HMGA2: variants seen among roughly 807,000 people sequenced by gnomAD.
HMGA2 encodes high mobility group AT-hook 2, also known as high mobility group protein HMGI-C.
HMGA2 carries 8 observed loss-of-function variants against 19.1 expected under a neutral mutation model. The ratio of observed to expected loss-of-function variants is 0.42; its 90% CI spans 0.25 to 0.76. The LOEUF is 0.76. HMGA2 is among the 30% of genes least tolerant of loss of function. The pLI is 0.28. For synonymous variants in HMGA2, 60 were observed against 48.8 expected, an observed-to-expected ratio of 1.23 and a Z score of -0.96; for missense variants, 109 against 136.3, an observed-to-expected ratio of 0.80 and a Z score of 1.00.
intron 3 of HMGA2, chr12:65,843,665 TACACAC>T (rs35271921): frequency 0.051 from 7,506 of 146,626 alleles, 393 homozygotes; most frequent in South Asian, 0.21. Flanking sequence ...GTTTGCTACT[TACACAC>T]ACACACACAC....
intron 3 of HMGA2, among the ~76,000 whole-genome samples, chr12:65,913,534 A>G (rs544374041): frequency 6.6e-6 from 1 of 152,288 alleles, no homozygotes; most frequent in South Asian, 2.1e-4. Flanking sequence ...CAAAAACATT[A>G]TATCACTTTT....
At chr12:65,914,402 C>G (rs1487121460) in intron 3 of HMGA2, among the ~76,000 whole-genome samples, 2 of 148,336 alleles carry the variant, frequency 1.3e-5, no homozygotes, top group Non-Finnish European at 3.0e-5. Flanking sequence ...AACAAAAAAC[C>G]AAACACCGCA....
At chr12:65,838,723 C>T (rs573219871) in intron 3 of HMGA2, among the ~76,000 whole-genome samples, 154 bp downstream of exon 3, 39 of 152,230 alleles carry the variant, frequency 2.6e-4, no homozygotes, top group African/African-American at 9.4e-4. Context: ...ATTATCATCA[C>T]TTCCTACCAC....
At chr12:65,954,800 C>A (rs934392438) in intron 4 of HMGA2, 1 of 152,124 alleles carries the variant, frequency 6.6e-6, no homozygotes, top group Admixed American at 6.5e-5. Context: ...GTAATATGTA[C>A]GTTAACTTTT....
chr12:65,938,359 C>T (rs1189396507), intron 3 of HMGA2, among the ~76,000 whole-genome samples: 1 of 151,908 alleles, frequency 6.6e-6, no homozygotes, highest in Non-Finnish European at 1.5e-5. Context: ...ACTGTTATAC[C>T]CAAAAGCATA....
At chr12:65,914,821 C>T in intron 3 of HMGA2, 1 of 428,816 alleles carries the variant, frequency 2.3e-6, no homozygotes, top group South Asian at 2.0e-5. Context: ...ATTACAGGCA[C>T]CCACCACCAC....
chr12:65,887,954 C>T (rs1235531524), intron 3 of HMGA2, among the ~76,000 whole-genome samples: 1 of 151,554 alleles, frequency 6.6e-6, no homozygotes, highest in Non-Finnish European at 1.5e-5. Flanking sequence ...CACTCCAAGG[C>T]ATTAATGTGT....
At chr12:65,955,470 T>C (rs1274993398) in intron 4 of HMGA2, 1 of 152,208 alleles carries the variant, frequency 6.6e-6, no homozygotes, top group African/African-American at 2.4e-5. Flanking sequence ...ATTTCCCTTT[T>C]AAGGCTTTAA....
At chr12:65,867,492 C>T in intron 3 of HMGA2, 1 of 455,262 alleles carries the variant, frequency 2.2e-6, no homozygotes, top group Non-Finnish European at 4.4e-6. Context: ...GTTTAAGCTA[C>T]AGAACTAATT....
chr12:65,939,357 T>A (rs1876005430), intron 3 of HMGA2, among the ~76,000 whole-genome samples: 1 of 146,332 alleles, frequency 6.8e-6, no homozygotes, highest in Admixed American at 6.8e-5. Context: ...ACATACAAGC[T>A]TTTTTTTTTT....
intron 3 of HMGA2, among the ~76,000 whole-genome samples, chr12:65,877,468 T>C (rs1240349898): frequency 1.3e-5 from 2 of 152,130 alleles, no homozygotes; most frequent in Non-Finnish European, 2.9e-5. Flanking sequence ...GAGATTCCAA[T>C]GGGAGGTAAA....
At chr12:65,838,719 A>G (rs1870849140) in intron 3 of HMGA2, 150 bp downstream of exon 3, 2 of 662,364 alleles carry the variant, frequency 3.0e-6, no homozygotes, top group South Asian at 1.9e-5. Context: ...ACAAATTATC[A>G]TCACTTCCTA....
chr12:65,912,295 A>G (rs1163974690), intron 3 of HMGA2, among the ~76,000 whole-genome samples: 1 of 152,168 alleles, frequency 6.6e-6, no homozygotes, highest in Non-Finnish European at 1.5e-5. Flanking sequence ...CATTAAGTGC[A>G]CAGCTTTAAA....
intron 3 of HMGA2, among the ~76,000 whole-genome samples, chr12:65,884,837 A>G (rs1334560337): frequency 6.6e-6 from 1 of 152,206 alleles, no homozygotes; most frequent in Non-Finnish European, 1.5e-5. Flanking sequence ...TTGGGAATGA[A>G]AATGGTATCA....
chr12:65,872,027 C>T (rs1262800554), intron 3 of HMGA2, among the ~76,000 whole-genome samples: 8 of 152,170 alleles, frequency 5.3e-5, no homozygotes, highest in Admixed American at 2.0e-4. Flanking sequence ...AGACTGAAGC[C>T]AGTCTGAAGT....
intron 3 of HMGA2, among the ~76,000 whole-genome samples, chr12:65,929,285 G>A (rs2121261950): frequency 6.6e-6 from 1 of 152,006 alleles, no homozygotes; most frequent in Non-Finnish European, 1.5e-5. Context: ...GATTTTTAAA[G>A]CGGAGTTTTG....
At chr12:65,839,000 T>C (rs1021891626) in intron 3 of HMGA2, among the ~76,000 whole-genome samples, 1 of 139,914 alleles carries the variant, frequency 7.1e-6, no homozygotes, top group Non-Finnish European at 1.5e-5. Flanking sequence ...TTCTTTTTCT[T>C]TTTTTTTTTT....
chr12:65,894,553 A>C (rs1394588920), intron 3 of HMGA2, among the ~76,000 whole-genome samples: 2 of 152,226 alleles, frequency 1.3e-5, no homozygotes, highest in African/African-American at 4.8e-5. Flanking sequence ...TATTCATAAG[A>C]ACTCTAATAA....
chr12:65,845,219 T>C (rs1871182724), intron 3 of HMGA2, among the ~76,000 whole-genome samples: 1 of 152,180 alleles, frequency 6.6e-6, no homozygotes, highest in Non-Finnish European at 1.5e-5. Flanking sequence ...ATTTTTGTTG[T>C]GTTTTTAAAG....
Sources: allele counts gnomAD v4.1 joint callset (sites outside exome capture counted in the v4.1 genomes callset), GRCh38; gene constraint gnomAD v4.1.1; transcripts MANE v1.5; gene names NCBI Gene and HGNC (gene_info 2026-07-23, HGNC 2026-07-21).